The following IL1RAPL2 variants were observed in gnomAD, a reference collection of about 807,000 sequenced individuals.
IL1RAPL2 encodes the protein X-linked interleukin-1 receptor accessory protein-like 2.
A neutral mutation model predicts 44.1 loss-of-function variants in IL1RAPL2; 3 were observed. That is an observed-to-expected ratio of 0.07 (90% CI 0.03 to 0.18). The LOEUF is 0.18. Among genes scored for constraint, IL1RAPL2 ranks in the 10% least tolerant of loss-of-function variants. IL1RAPL2 has a pLI of 1.00. For missense variants in IL1RAPL2, 391 were observed against 496.4 expected, an observed-to-expected ratio of 0.79 and a Z score of 2.02; for synonymous variants, 181 against 178.8, an observed-to-expected ratio of 1.01 and a Z score of -0.10.
intron 1 of IL1RAPL2, among the ~76,000 whole-genome samples, chrX:104,633,118 G>A (rs1353817886): frequency 1.8e-5 from 2 of 111,544 alleles, no homozygotes; most frequent in African/African-American, 6.5e-5. Context: ...TTTGTCTTTG[G>A]TTCTGTTTAT....
chrX:104,675,507 C>T (rs1285176477), intron 2 of IL1RAPL2, among the ~76,000 whole-genome samples: 1 of 111,087 alleles, frequency 9.0e-6, no homozygotes, highest in African/African-American at 3.3e-5. Context: ...CTGAGGAGAG[C>T]TTTACTTCCA....
intron 2 of IL1RAPL2, among the ~76,000 whole-genome samples, chrX:104,996,553 A>G (rs1169693047): frequency 1.8e-5 from 2 of 112,404 alleles, no homozygotes; most frequent in Non-Finnish European, 3.8e-5. Flanking sequence ...ACATGCTAGC[A>G]TACAGTCATG....
intron 2 of IL1RAPL2, among the ~76,000 whole-genome samples, chrX:104,993,635 A>T (rs2030702027): frequency 1.8e-5 from 2 of 111,493 alleles, no homozygotes; most frequent in African/African-American, 6.5e-5. Flanking sequence ...ACTTATTTCC[A>T]TCCCCAAGTC....
intron 6 of IL1RAPL2, among the ~76,000 whole-genome samples, chrX:105,682,406 G>A (rs1446041805): frequency 9.0e-6 from 1 of 111,487 alleles, no homozygotes; most frequent in Non-Finnish European, 1.9e-5. Flanking sequence ...ATTCCTATTT[G>A]AAATCTAGTG....
At chrX:104,850,481 T>C (rs1366336824) in intron 2 of IL1RAPL2, among the ~76,000 whole-genome samples, 2 of 111,868 alleles carry the variant, frequency 1.8e-5, no homozygotes, top group East Asian at 2.8e-4. Flanking sequence ...CAGAGATATA[T>C]TATGGTTTTG....
At chrX:105,134,774 T>C (rs1179401792) in intron 2 of IL1RAPL2, among the ~76,000 whole-genome samples, 2 of 111,742 alleles carry the variant, frequency 1.8e-5, no homozygotes, top group Admixed American at 9.5e-5. Flanking sequence ...TGGCCAATTA[T>C]GGATCTTCTT....
Position 105,492,224 on chromosome X carries a change from C to T in IL1RAPL2, c.772+7837C>T, listed in dbSNP as rs1283887721. 2.7e-5 allele frequency among the ~76,000 whole-genome samples: 3 copies of T among 111,079 alleles called. No homozygotes were observed. The South Asian group carries it at 1.1e-3, about 42-fold the overall frequency. On this transcript the variant is annotated intron_variant, in intron 6 of 10. Coordinates refer to ENST00000372582, the MANE Select transcript of IL1RAPL2 (RefSeq NM_017416.2). ...TTGAATTATTTTGCAGATGAGGAAACGTAACCACAGACAGGTGAAATAGCT... is the reference window on the plus strand; with the variant it reads ...TTGAATTATTTTGCAGATGAGGAAATGTAACCACAGACAGGTGAAATAGCT...
At chrX:104,936,808 G>A (rs1379180721) in intron 2 of IL1RAPL2, among the ~76,000 whole-genome samples, 1 of 109,816 alleles carries the variant, frequency 9.1e-6, no homozygotes, top group East Asian at 2.9e-4. Context: ...GGGTTTCACC[G>A]TGTTAGCCAG....
intron 2 of IL1RAPL2, among the ~76,000 whole-genome samples, chrX:105,144,094 G>GGTGT (rs762069943): frequency 0.047 from 3,702 of 79,516 alleles, 84 homozygotes; most frequent in South Asian, 0.089. Flanking sequence ...TCAACAGATG[G>GGTGT]GTGTGTGTGT....
intron 2 of IL1RAPL2, among the ~76,000 whole-genome samples, chrX:104,986,295 A>G (rs1602871031): frequency 8.9e-6 from 1 of 112,173 alleles, no homozygotes; most frequent in South Asian, 3.7e-4. Flanking sequence ...TAACCATGTT[A>G]AAGGCTTCTT....
In IL1RAPL2 at chrX:104,651,517, A is replaced by G. The variant is rs375344409; in HGVS notation, c.-19-7378A>G. Reference sequence around the variant, plus strand: ...AAAATATCAGAATTATAAAAATGATATTTGATTTTAGCAAGTTATGGTCCC... The same window carrying G: ...AAAATATCAGAATTATAAAAATGATGTTTGATTTTAGCAAGTTATGGTCCC... On this transcript the variant is annotated intron_variant, in intron 1 of 10. Coordinates refer to ENST00000372582, the MANE Select transcript of IL1RAPL2 (RefSeq NM_017416.2). Among the ~76,000 whole-genome samples, 6 of 111,806 alleles carry G rather than the reference A, an allele frequency of 5.4e-5. No individual in the cohort carries two copies. In the East Asian group the frequency reaches 1.4e-3, roughly 26 times the overall value.
In IL1RAPL2 at chrX:105,654,568, C is replaced by G. The variant is rs373078079; in HGVS notation, c.773-62799C>G. ...CTGTATCAAATATGGTCCTATTTGA[C>G]TATTTTCAGTCAGAATATTTTAAAT... On this transcript the variant is annotated intron_variant, in intron 6 of 10. Coordinates refer to ENST00000372582, the MANE Select transcript of IL1RAPL2 (RefSeq NM_017416.2). 2.7e-5 allele frequency among the ~76,000 whole-genome samples: 3 copies of G among 111,931 alleles called. No individual in the cohort carries two copies. In the East Asian group the frequency reaches 8.4e-4, roughly 31 times the overall value.
chrX:105,387,237 CT>C (rs577370014), intron 5 of IL1RAPL2, among the ~76,000 whole-genome samples: 9,549 of 90,694 alleles, frequency 0.11, 1,551 homozygotes, highest in African/African-American at 0.39. Flanking sequence ...TGTGCATTTT[CT>C]TTTTTTTTTT....
chrX:104,615,387 C>T (rs1334643746), intron 1 of IL1RAPL2, among the ~76,000 whole-genome samples: 1 of 105,612 alleles, frequency 9.5e-6, no homozygotes, highest in Non-Finnish European at 1.9e-5. Flanking sequence ...CCCAACCCCA[C>T]CCCCCAACAG....
intron 2 of IL1RAPL2, among the ~76,000 whole-genome samples, chrX:104,857,464 A>C (rs973891795): frequency 8.9e-6 from 1 of 111,967 alleles, no homozygotes; most frequent in African/African-American, 3.2e-5. Context: ...TGTATTTACT[A>C]TTTCAAAAAT....
intron 1 of IL1RAPL2, among the ~76,000 whole-genome samples, chrX:104,592,482 T>C (rs749179287): frequency 5.3e-4 from 59 of 110,840 alleles, no homozygotes; most frequent in African/African-American, 1.4e-3. Context: ...CTAGGTGATG[T>C]ATAGTGATAA....
rs146735893 is a variant in IL1RAPL2, at chrX:105,195,589, C to T, written c.197C>T (p.Thr66Met). The change falls in exon 3 of 11, where the codon ACG (threonine) becomes ATG (methionine). Residue 66 changes from threonine (T) to methionine (M), a missense_variant. This residue lies in a region of IL1RAPL2 where 159 missense variants were observed against 251.7 expected (regional missense o/e 0.63). Coordinates refer to ENST00000372582, the MANE Select transcript of IL1RAPL2 (RefSeq NM_017416.2). ...AGTTATATTCGTACCAACTATAGCA[C>T]GGCCCAGAGCACTGGGCTCAGGCTT... ...FYSYIRTNYSTAQSTGLRLMW... is the reference protein window; with the variant it reads ...FYSYIRTNYSMAQSTGLRLMW... 5.0e-5 allele frequency: 61 copies of T among 1,210,090 alleles called. No individual in the cohort carries two copies. The African/African-American group carries it at 5.2e-4, about 10-fold the overall frequency.
intron 4 of IL1RAPL2, among the ~76,000 whole-genome samples, chrX:105,253,423 ATC>A (rs759020236): frequency 3.6e-5 from 4 of 111,422 alleles, no homozygotes; most frequent in Non-Finnish European, 7.5e-5. Context: ...AAGAGCTTCC[ATC>A]TCTCTGCTTA....
intron 2 of IL1RAPL2, among the ~76,000 whole-genome samples, chrX:104,838,581 G>A (rs1465493947): frequency 9.0e-6 from 1 of 111,330 alleles, no homozygotes; most frequent in Non-Finnish European, 1.9e-5. Flanking sequence ...TTTGTATCCT[G>A]AGACTTTGCT....
Sources: allele counts gnomAD v4.1 joint callset (sites outside exome capture counted in the v4.1 genomes callset), GRCh38; gene constraint gnomAD v4.1.1; regional missense constraint gnomAD v4.1.1; transcripts MANE v1.5; gene names NCBI Gene and HGNC (gene_info 2026-07-23, HGNC 2026-07-21).